MED12L: variants seen among roughly 807,000 people sequenced by gnomAD.
The protein encoded by MED12L is mediator of RNA polymerase II transcription subunit 12-like protein.
A neutral mutation model predicts 281.3 loss-of-function variants in MED12L; 60 were observed. That is an observed-to-expected ratio of 0.21 (90% CI 0.17 to 0.26). The LOEUF (loss-of-function observed/expected upper bound fraction) is 0.26, where lower values mean the gene tolerates loss of function less well. Among genes scored for constraint, MED12L ranks in the 10% least tolerant of loss-of-function variants. The pLI is 1.00. For missense variants in MED12L, 2,146 were observed against 2,680.9 expected, an observed-to-expected ratio of 0.80 and a Z score of 4.41; for synonymous variants, 974 against 987.2, an observed-to-expected ratio of 0.99 and a Z score of 0.25.
chr3:151,353,814 A>G (rs1386039753), intron 17 of MED12L, among the ~76,000 whole-genome samples: 1 of 152,212 alleles, frequency 6.6e-6, no homozygotes, highest in East Asian at 1.9e-4. Flanking sequence ...TGTGAGGAGT[A>G]GAACTCTTGT....
chr3:151,283,912 T>A (rs576284796), intron 16 of MED12L, among the ~76,000 whole-genome samples: 1 of 152,308 alleles, frequency 6.6e-6, no homozygotes, highest in East Asian at 1.9e-4. Context: ...ACCTGCATAA[T>A]GATTCAACTT....
intron 2 of MED12L, among the ~76,000 whole-genome samples, chr3:151,115,327 C>CTTTTTTTTTTTT (rs66728754): frequency 4.9e-5 from 3 of 60,804 alleles, no homozygotes; most frequent in African/African-American, 1.8e-4. Context: ...GGAAACAATT[C>CTTTTTTTTTTTT]TTTTTTTTTT....
At chr3:151,303,994 A>G (rs1458476365) in intron 16 of MED12L, among the ~76,000 whole-genome samples, 1 of 152,226 alleles carries the variant, frequency 6.6e-6, no homozygotes, top group Non-Finnish European at 1.5e-5. Context: ...GTCAAGTGAC[A>G]TAGGACAGCA....
intron 2 of MED12L, among the ~76,000 whole-genome samples, chr3:151,111,829 A>T (rs1711942501): frequency 6.6e-6 from 1 of 152,160 alleles, no homozygotes; most frequent in African/African-American, 2.4e-5. Flanking sequence ...TGCTGTGGAA[A>T]TCTGGGCGGG....
At chr3:151,278,803 TGGAAATGCGGAATTAAC>T (rs1438513021) in intron 16 of MED12L, among the ~76,000 whole-genome samples, 1 of 152,212 alleles carries the variant, frequency 6.6e-6, no homozygotes, top group Non-Finnish European at 1.5e-5. Context: ...TGGAGCTACC[TGGAAATGCGGAATTAAC>T]AGAATAAAGA....
intron 44 of MED12L, 39 bp downstream of exon 44, chr3:151,430,419 G>A: frequency 6.2e-7 from 1 of 1,608,860 alleles, no homozygotes; most frequent in Non-Finnish European, 8.5e-7. Flanking sequence ...ACAGCTCCCG[G>A]AAAATTAAAA....
At chr3:151,104,367 G>A (rs1255895048) in intron 2 of MED12L, among the ~76,000 whole-genome samples, 2 of 152,144 alleles carry the variant, frequency 1.3e-5, no homozygotes, top group Non-Finnish European at 2.9e-5. Context: ...CTGCAATGGG[G>A]AATTCTTCCC....
intron 6 of MED12L, among the ~76,000 whole-genome samples, 158 bp from the exon 7 acceptor site, chr3:151,158,527 ATTAG>A (rs917614825): frequency 5.7e-4 from 87 of 152,288 alleles, no homozygotes; most frequent in African/African-American, 2.0e-3. Flanking sequence ...TACAAAACAT[ATTAG>A]TTATTTGTTT....
chr3:151,177,392 C>A (rs1248324369), intron 11 of MED12L, among the ~76,000 whole-genome samples: 1 of 152,192 alleles, frequency 6.6e-6, no homozygotes, highest in Non-Finnish European at 1.5e-5. Flanking sequence ...GTTCTGTGCC[C>A]ATGACCATCT....
At chr3:151,400,474 G>GT (rs1455412612) in intron 39 of MED12L, among the ~76,000 whole-genome samples, 1 of 152,170 alleles carries the variant, frequency 6.6e-6, no homozygotes, top group Non-Finnish European at 1.5e-5. Context: ...ACAGGAATGT[G>GT]TGCCCAGTTA....
In MED12L at chr3:151,311,242, G is replaced by A. The variant is rs183105452; in HGVS notation, c.2251-38817G>A. On this transcript the variant is annotated intron_variant, in intron 16 of 44. Transcript: ENST00000687756. ...TTTCTGGGTCTTAGGATGAAAAGTA[G>A]AGATAATACTTGAGGTATTGTACTG... 1.4e-4 allele frequency among the ~76,000 whole-genome samples: 22 copies of A among 152,226 alleles called. No individual in the cohort carries two copies. In the East Asian group the frequency reaches 4.0e-3, roughly 28 times the overall value.
intron 39 of MED12L, among the ~76,000 whole-genome samples, chr3:151,400,907 T>G (rs548432151): frequency 6.6e-6 from 1 of 152,366 alleles, no homozygotes; most frequent in East Asian, 1.9e-4. Context: ...TGCTGTAGAT[T>G]ATTTTTTTAA....
intron 2 of MED12L, among the ~76,000 whole-genome samples, chr3:151,092,702 A>C (rs1172435079): frequency 6.6e-6 from 1 of 152,184 alleles, no homozygotes; most frequent in African/African-American, 2.4e-5. Flanking sequence ...CTGGGAAGAA[A>C]GGACAGGTTG....
At chr3:151,167,278 G>C (rs971788333) in intron 11 of MED12L, among the ~76,000 whole-genome samples, 6 of 152,160 alleles carry the variant, frequency 3.9e-5, no homozygotes, top group Non-Finnish European at 8.8e-5. Flanking sequence ...CTTATTTGGG[G>C]AGAAATAAAA....
intron 16 of MED12L, among the ~76,000 whole-genome samples, chr3:151,211,128 A>G (rs1362144854): frequency 6.6e-6 from 1 of 152,228 alleles, no homozygotes; most frequent in Non-Finnish European, 1.5e-5. Flanking sequence ...GGTAGTAACT[A>G]TTACTCAGCT....
At chr3:151,421,497 A>G (rs933173950) in intron 43 of MED12L, among the ~76,000 whole-genome samples, 1 of 151,546 alleles carries the variant, frequency 6.6e-6, no homozygotes, top group African/African-American at 2.4e-5. Context: ...TGCAACCTGC[A>G]CCTCCCGAGT....
chr3:151,141,403 G>A (rs551426546), intron 5 of MED12L, among the ~76,000 whole-genome samples: 2 of 152,166 alleles, frequency 1.3e-5, no homozygotes, highest in East Asian at 3.9e-4. Flanking sequence ...TTTAAAAAAG[G>A]TTTATCAAGA....
At position 151,198,665 on chromosome 3, in the gene MED12L, A is replaced by G. The variant is rs372656427; in HGVS notation, c.2250+4999A>G. ...GCTGAGGGTATACGGGATTCGGACAATGTGGTAAGGAACAAAGCATATGAT... is the reference window on the plus strand; with the variant it reads ...GCTGAGGGTATACGGGATTCGGACAGTGTGGTAAGGAACAAAGCATATGAT... On this transcript the variant is annotated intron_variant, in intron 16 of 44. Transcript: ENST00000687756. The G allele has an allele frequency of 8.9e-5, 144 of 1,614,004 alleles. No homozygotes were observed. Among genetic ancestry groups the G allele is most frequent in the South Asian group, 5.3e-4 (48 of 91,090 alleles).
At position 151,435,018 on chromosome 3, in the gene MED12L, G is replaced by A. The variant is rs372648866; in HGVS notation, c.*2214G>A. On this transcript the variant is annotated 3_prime_UTR_variant, in exon 45 of 45. Transcript: ENST00000687756. The stretch of plus-strand genomic sequence containing the variant: ...AAAGAAAATAACTAGAATTACTTTA[G>A]TCTTCAGATTTTCTCCCTGTTAATT... 4.1e-5 allele frequency: 6 copies of A among 147,734 alleles called. No individual in the cohort carries two copies. The highest frequency in any genetic ancestry group is 2.1e-4 in the South Asian group (1 of 4,658). The allele number at this position is 147,734 out of a possible 1,614,324, so 9.2% of individuals were successfully genotyped here.
Sources: gnomAD v4.1 joint callset for allele counts (sites outside exome capture counted in the v4.1 genomes callset) on GRCh38, gnomAD v4.1.1 for gene constraint, MANE v1.5 for transcripts, NCBI Gene and HGNC (gene_info 2026-07-23, HGNC 2026-07-21) for gene names.